The following AHI1 variants were observed in gnomAD, a reference collection of about 807,000 sequenced individuals.
The protein encoded by AHI1 is jouberin.
A neutral mutation model predicts 149.3 loss-of-function variants in AHI1; 123 were observed. That is an observed-to-expected ratio of 0.82 (90% CI 0.71 to 0.96). The LOEUF is 0.96. Ranked by LOEUF, AHI1 falls within the 40% of genes least tolerant of loss-of-function variation. The pLI, the probability that AHI1 is intolerant of heterozygous loss-of-function variation, is 0.00. For missense variants in AHI1, 1,439 were observed against 1,422.7 expected, an observed-to-expected ratio of 1.01 and a Z score of -0.18; for synonymous variants, 475 against 459.8, an observed-to-expected ratio of 1.03 and a Z score of -0.42.
chr6:135,357,076 C>G (rs1793082877), intron 24 of AHI1, among the ~76,000 whole-genome samples: 1 of 152,120 alleles, frequency 6.6e-6, no homozygotes, highest in Non-Finnish European at 1.5e-5. Context: ...GTAGCTGGGA[C>G]TACAGGCATG....
chr6:135,466,425 T>C, intron 6 of AHI1, 52 bp from the exon 7 acceptor site: 1 of 1,451,174 alleles, frequency 6.9e-7, no homozygotes, highest in Non-Finnish European at 9.4e-7. Flanking sequence ...AGATTAGTTA[T>C]ATAAAGAAAA....
At chr6:135,338,833 C>A (rs972405713) in intron 24 of AHI1, among the ~76,000 whole-genome samples, 1 of 152,126 alleles carries the variant, frequency 6.6e-6, no homozygotes, top group African/African-American at 2.4e-5. Context: ...CAGAATGGGT[C>A]TGGAGCACCT....
At chr6:135,345,944 T>A (rs1432779123) in intron 24 of AHI1, among the ~76,000 whole-genome samples, 2 of 152,214 alleles carry the variant, frequency 1.3e-5, no homozygotes, top group Non-Finnish European at 2.9e-5. Flanking sequence ...TTTCTCCATG[T>A]CAGAGAAGAC....
intron 5 of AHI1, among the ~76,000 whole-genome samples, chr6:135,478,066 G>A (rs1200043646): frequency 6.6e-6 from 1 of 152,156 alleles, no homozygotes; most frequent in African/African-American, 2.4e-5. Context: ...CTCCCAAAGT[G>A]CTGGGATTAC....
At chr6:135,356,436 A>G (rs1465386640) in intron 24 of AHI1, among the ~76,000 whole-genome samples, 2 of 152,194 alleles carry the variant, frequency 1.3e-5, no homozygotes, top group South Asian at 2.1e-4. Flanking sequence ...GCACTGGGCA[A>G]TAATAATGAA....
intron 24 of AHI1, among the ~76,000 whole-genome samples, chr6:135,350,764 G>C (rs1266571266): frequency 6.6e-6 from 1 of 152,130 alleles, no homozygotes; most frequent in Non-Finnish European, 1.5e-5. Context: ...AAGGTCTTTG[G>C]GTGAGTGGGA....
At chr6:135,343,990 T>C (rs888350533) in intron 24 of AHI1, among the ~76,000 whole-genome samples, 3 of 151,974 alleles carry the variant, frequency 2.0e-5, no homozygotes, top group Non-Finnish European at 4.4e-5. Flanking sequence ...TTGCAAATCA[T>C]ATACAGTCAA....
At chr6:135,484,038 C>CTTTT (rs1371247915) in intron 5 of AHI1, among the ~76,000 whole-genome samples, 117 of 152,228 alleles carry the variant, frequency 7.7e-4, no homozygotes, top group African/African-American at 2.6e-3. Context: ...TGTGGCCTCA[C>CTTTT]AATCATGGTG....
intron 28 of AHI1, 132 bp downstream of exon 28, chr6:135,290,285 CCGGTTA>C (rs1782175187): frequency 4.6e-6 from 3 of 657,838 alleles, no homozygotes; most frequent in Non-Finnish European, 8.2e-6. Context: ...AAATGGCCTC[CCGGTTA>C]CAGATCCCAA....
chr6:135,354,262 A>C (rs1792610367), intron 24 of AHI1, among the ~76,000 whole-genome samples: 1 of 152,156 alleles, frequency 6.6e-6, no homozygotes, highest in African/African-American at 2.4e-5. Context: ...CAAAAATTTA[A>C]GTTATTCATT....
chr6:135,330,664 G>A (rs1363823585), intron 24 of AHI1, among the ~76,000 whole-genome samples: 1 of 152,194 alleles, frequency 6.6e-6, no homozygotes, highest in Non-Finnish European at 1.5e-5. Context: ...AGGAATCAGG[G>A]TGGTTTCACA....
chr6:135,458,045 A>G (rs1322317822), intron 8 of AHI1, among the ~76,000 whole-genome samples: 1 of 152,246 alleles, frequency 6.6e-6, no homozygotes, highest in Non-Finnish European at 1.5e-5. Context: ...AGAATTTCTA[A>G]TTCTGGGTGG....
In AHI1 at chr6:135,429,909, C is replaced by G. The variant is rs1447364125; in HGVS notation, c.2465G>C (p.Ser822Thr). 1.3e-6 allele frequency: 2 copies of G among 1,581,422 alleles called. No individual in the cohort carries two copies. The highest frequency in any genetic ancestry group is 1.7e-6 in the Non-Finnish European group (2 of 1,158,820). The change falls in exon 18 of 29, where the codon AGT becomes ACT. Residue 822 changes from serine (S) to threonine (T), a missense_variant. Coordinates refer to ENST00000265602, the MANE Select transcript of AHI1 (RefSeq NM_001134831.2). The part of the protein sequence containing the change: ...GKRLLIHTKD[S>T]TLRIMDLRIL... ...CCGGAGATCCATAATTCTCAAAGTA[C>G]TGTCTTTGGTATGGATTAACAAACG...
At chr6:135,396,996 C>CA (rs1779310712) in intron 22 of AHI1, among the ~76,000 whole-genome samples, 1 of 151,762 alleles carries the variant, frequency 6.6e-6, no homozygotes, top group Non-Finnish European at 1.5e-5. Flanking sequence ...TCTTTTACAA[C>CA]AAAATTTTTT....
In AHI1 at chr6:135,338,983, A is replaced by T. The variant is rs551963921; in HGVS notation, c.3166-15659T>A. Among the ~76,000 whole-genome samples, 34 of 149,208 alleles carry T rather than the reference A, an allele frequency of 2.3e-4. No individual in the cohort carries two copies. In the South Asian group the frequency reaches 7.2e-3, roughly 31 times the overall value. On this transcript the variant is annotated intron_variant, in intron 24 of 28. Coordinates refer to ENST00000265602, the MANE Select transcript of AHI1 (RefSeq NM_001134831.2). ...CACTCTGTTGCCCAGACTGGAGCGC[A>T]GTGGTGCAATCTCGGCTCACTGCAA... is the stretch of plus-strand genomic sequence containing the variant.
intron 25 of AHI1, among the ~76,000 whole-genome samples, chr6:135,322,682 TC>T (rs1001109904): frequency 6.6e-6 from 1 of 152,182 alleles, no homozygotes; most frequent in African/African-American, 2.4e-5. Flanking sequence ...GCTCATTTTT[TC>T]CCCCATAAAT....
intron 27 of AHI1, among the ~76,000 whole-genome samples, chr6:135,298,335 A>C (rs1444085213): frequency 4.6e-5 from 7 of 151,906 alleles, no homozygotes; most frequent in East Asian, 1.9e-4. Context: ...CTCAAAAAAA[A>C]AAAAAAACAA....
At chr6:135,352,693 T>TTGTG (rs66857107) in intron 24 of AHI1, among the ~76,000 whole-genome samples, 3 of 144,054 alleles carry the variant, frequency 2.1e-5, no homozygotes, top group East Asian at 2.0e-4. Context: ...CAAAGACACA[T>TTGTG]TGTGTGTGTA....
At chr6:135,307,979 C>T (rs1050374213) in intron 26 of AHI1, among the ~76,000 whole-genome samples, 4 of 152,018 alleles carry the variant, frequency 2.6e-5, no homozygotes, top group Admixed American at 6.6e-5. Context: ...CCAACAGTGC[C>T]GAGGTTGAGA....
Sources: gnomAD v4.1 joint callset for allele counts (sites outside exome capture counted in the v4.1 genomes callset) on GRCh38, gnomAD v4.1.1 for gene constraint, MANE v1.5 for transcripts, NCBI Gene and HGNC (gene_info 2026-07-23, HGNC 2026-07-21) for gene names.